Variants in CCDC192 observed in about 807,000 individuals in gnomAD.
CCDC192 encodes the protein coiled-coil domain-containing protein 192.
chr5:127,786,980 C>A lies in CCDC192; in HGVS notation c.223-10123C>A. On this transcript the variant is annotated intron_variant, in intron 3 of 6. Transcript: ENST00000514853. ...GCTGGATGGTGGCTCTGAGGTCATC[C>A]AGATCTGGTCTAAGCCAATCTGCTT... The A allele has an allele frequency of 7.9e-6, 3 of 381,452 alleles. No individual in the cohort carries two copies. The South Asian group carries it at 8.2e-5, about 10-fold the overall frequency. 23.6% of individuals were successfully genotyped at this position (381,452 alleles called of 1,614,324 possible). A position where few individuals can be genotyped will look rare whatever the true frequency, so the allele number is the denominator to read the frequency against.
At chr5:127,710,337 G>A (rs1177330515) in intron 2 of CCDC192, among the ~76,000 whole-genome samples, 8 of 152,016 alleles carry the variant, frequency 5.3e-5, no homozygotes, top group Non-Finnish European at 1.2e-4. Flanking sequence ...GATCTCAGTT[G>A]CCTCTTTTAA....
chr5:127,738,809 G>A (rs1317114852), intron 2 of CCDC192, among the ~76,000 whole-genome samples: 2 of 152,158 alleles, frequency 1.3e-5, no homozygotes, highest in Non-Finnish European at 2.9e-5. Context: ...TCTCTGTATT[G>A]GTTATTCTAG....
chr5:127,812,339 T>A (rs568132504), intron 5 of CCDC192, among the ~76,000 whole-genome samples: 238 of 152,298 alleles, frequency 1.6e-3, no homozygotes, highest in African/African-American at 5.5e-3. Flanking sequence ...TAAAATGGAA[T>A]AATGGTAGAA....
intron 5 of CCDC192, among the ~76,000 whole-genome samples, chr5:127,825,437 T>A (rs1207747668): frequency 6.6e-6 from 1 of 152,158 alleles, no homozygotes; most frequent in African/African-American, 2.4e-5. Flanking sequence ...GACTGGAACC[T>A]CTCAGCAGCA....
intron 6 of CCDC192, among the ~76,000 whole-genome samples, chr5:127,921,781 C>T (rs1301616372): frequency 6.6e-6 from 1 of 152,182 alleles, no homozygotes; most frequent in African/African-American, 2.4e-5. Flanking sequence ...TGCCTTCTCT[C>T]TCCATACTGG....
chr5:127,891,113 G>A (rs138426544), intron 6 of CCDC192, among the ~76,000 whole-genome samples: 183 of 152,234 alleles, frequency 1.2e-3, no homozygotes, highest in African/African-American at 3.9e-3. Flanking sequence ...GTGCAGTGGC[G>A]CAATCTCGGC....
intron 5 of CCDC192, among the ~76,000 whole-genome samples, chr5:127,828,596 G>C (rs1749643731): frequency 6.6e-6 from 1 of 152,156 alleles, no homozygotes; most frequent in African/African-American, 2.4e-5. Context: ...TAAATTAACA[G>C]ACATTTGTAA....
chr5:127,772,251 A>C (rs1755597432), intron 3 of CCDC192, among the ~76,000 whole-genome samples: 1 of 152,136 alleles, frequency 6.6e-6, no homozygotes, highest in African/African-American at 2.4e-5. Flanking sequence ...ACTTGAGATC[A>C]GGAGTTCAAG....
rs569900516 is a variant in CCDC192 at position 127,843,317 on chromosome 5, C to T, written c.412-32221C>T. On this transcript the variant is annotated intron_variant, in intron 5 of 6. Coordinates refer to ENST00000514853, the MANE Select transcript of CCDC192 (RefSeq NM_001317938.2). ...CCTCCCAAAGTGCTGGGATTACAGGCGTGAGCCATCGCAGCCAGCCAAAAG... is the reference window on the plus strand; with the variant it reads ...CCTCCCAAAGTGCTGGGATTACAGGTGTGAGCCATCGCAGCCAGCCAAAAG... Among the ~76,000 whole-genome samples the T allele has an allele frequency of 4.6e-4, 70 of 152,044 alleles. 1 individual carries two copies. Among genetic ancestry groups the T allele is most frequent in the African/African-American group, 1.6e-3 (68 of 41,478 alleles).
chr5:127,928,235 T>C (rs949677626), intron 6 of CCDC192, among the ~76,000 whole-genome samples: 1 of 152,178 alleles, frequency 6.6e-6, no homozygotes, highest in African/African-American at 2.4e-5. Context: ...TCTTTTATAG[T>C]TCTTATAGAT....
At chr5:127,868,818 T>C (rs1751721811) in intron 5 of CCDC192, among the ~76,000 whole-genome samples, 1 of 152,112 alleles carries the variant, frequency 6.6e-6, no homozygotes, top group Non-Finnish European at 1.5e-5. Flanking sequence ...AAATGCCATC[T>C]TATCAAAACT....
intron 2 of CCDC192, among the ~76,000 whole-genome samples, chr5:127,734,401 C>A (rs1453000800): frequency 6.6e-6 from 1 of 151,770 alleles, no homozygotes; most frequent in Non-Finnish European, 1.5e-5. Flanking sequence ...GTGCATGTGT[C>A]TTTACAGCAG....
At position 127,748,899 on chromosome 5, in the gene CCDC192, GCT is replaced by G. The variant is rs1254446424; in HGVS notation, c.115-5364_115-5363del. ...TGAATGGGAGTTCACTCATGATTTG[GCT>G]CTCTGTTTGTCTGTTGTTGGTGTAT... On this transcript the variant is annotated intron_variant, in intron 2 of 6. Transcript: ENST00000514853. Among the ~76,000 whole-genome samples the G allele has an allele frequency of 2.9e-3, 444 of 151,208 alleles. 2 individuals are homozygous for G. Among genetic ancestry groups the G allele is most frequent in the African/African-American group, 9.9e-3 (408 of 41,196 alleles).
chr5:127,804,233 G>A (rs934122281), intron 5 of CCDC192, among the ~76,000 whole-genome samples: 42 of 152,272 alleles, frequency 2.8e-4, no homozygotes, highest in South Asian at 2.1e-4. Flanking sequence ...GTTCTGTTTT[G>A]TTTTGCTGCC....
chr5:127,774,610 A>G (rs1022666090), intron 3 of CCDC192, among the ~76,000 whole-genome samples: 2 of 152,206 alleles, frequency 1.3e-5, no homozygotes, highest in Non-Finnish European at 2.9e-5. Context: ...TCAGTGGTCT[A>G]TGTGTCAGTC....
chr5:127,901,289 A>T (rs1399379645), intron 6 of CCDC192, among the ~76,000 whole-genome samples: 1 of 152,232 alleles, frequency 6.6e-6, no homozygotes, highest in Non-Finnish European at 1.5e-5. Flanking sequence ...TAAAAAAATT[A>T]TTCCTAAATA....
chr5:127,875,879 T>G (rs1752057088), intron 6 of CCDC192, among the ~76,000 whole-genome samples: 1 of 151,734 alleles, frequency 6.6e-6, no homozygotes, highest in Non-Finnish European at 1.5e-5. Flanking sequence ...TAAGGGAAAG[T>G]CTGTGAGGCT....
intron 2 of CCDC192, among the ~76,000 whole-genome samples, chr5:127,738,954 T>G (rs1404648463): frequency 2.0e-5 from 3 of 151,906 alleles, no homozygotes; most frequent in East Asian, 1.9e-4. Context: ...CCATCCAGCT[T>G]TGTTCCGTTG....
chr5:127,830,941 C>A (rs245310), intron 5 of CCDC192, among the ~76,000 whole-genome samples: 1 of 152,108 alleles, frequency 6.6e-6, no homozygotes, highest in East Asian at 1.9e-4. Context: ...GAAATCCTAA[C>A]TGAGTATCTG....
Sources: gnomAD v4.1 joint callset for allele counts (sites outside exome capture counted in the v4.1 genomes callset) on GRCh38, gnomAD v4.1.1 for gene constraint, MANE v1.5 for transcripts, NCBI Gene and HGNC (gene_info 2026-07-23, HGNC 2026-07-21) for gene names.